GABRA3: variants seen among roughly 807,000 people sequenced by gnomAD.
GABRA3 encodes the protein gamma-aminobutyric acid type A receptor subunit alpha3, also known as gamma-aminobutyric acid receptor subunit alpha-3.
In GABRA3, 10 loss-of-function variants were observed where a neutral mutation model predicts 30.1. The observed-to-expected ratio is 0.33, with a 90% CI of 0.20 to 0.56. The LOEUF (loss-of-function observed/expected upper bound fraction) is 0.56. Ranked by LOEUF, GABRA3 falls within the 20% of genes least tolerant of loss-of-function variation. GABRA3 has a pLI of 0.89. For synonymous variants in GABRA3, 151 were observed against 146.8 expected, an observed-to-expected ratio of 1.03 and a Z score of -0.21; for missense variants, 233 against 392.0, an observed-to-expected ratio of 0.59 and a Z score of 3.42.
intron 3 of GABRA3, among the ~76,000 whole-genome samples, chrX:152,310,338 A>T (rs1939780357): frequency 8.9e-6 from 1 of 112,488 alleles, no homozygotes; most frequent in Admixed American, 9.4e-5. Flanking sequence ...CATTTTTCTC[A>T]TATAAACATG....
At chrX:152,394,184 C>T (rs981531424) in intron 1 of GABRA3, among the ~76,000 whole-genome samples, 4 of 111,663 alleles carry the variant, frequency 3.6e-5, no homozygotes, top group East Asian at 2.8e-4. Context: ...CATGAAGATA[C>T]GAATTGATGT....
At chrX:152,238,356 G>C (rs1258457883) in intron 5 of GABRA3, among the ~76,000 whole-genome samples, 6 of 100,019 alleles carry the variant, frequency 6.0e-5, no homozygotes, top group Non-Finnish European at 9.9e-5. Context: ...CTTGATCATG[G>C]TGGATAAGCT....
At chrX:152,358,329 C>T (rs765853172) in intron 2 of GABRA3, among the ~76,000 whole-genome samples, 3 of 111,339 alleles carry the variant, frequency 2.7e-5, no homozygotes, top group East Asian at 2.8e-4. Context: ...AATGGGATTG[C>T]GTTTTTGATT....
At chrX:152,369,244 A>G (rs147642915) in intron 1 of GABRA3, among the ~76,000 whole-genome samples, 2 of 111,992 alleles carry the variant, frequency 1.8e-5, no homozygotes, top group African/African-American at 3.2e-5. Context: ...CATAAAAATT[A>G]TAACTACATG....
At chrX:152,184,740 A>G (rs1459284812) in intron 9 of GABRA3, among the ~76,000 whole-genome samples, 1 of 111,424 alleles carries the variant, frequency 9.0e-6, no homozygotes, top group Non-Finnish European at 1.9e-5. Flanking sequence ...TGTCTGACTG[A>G]CATCCCTTGT....
At chrX:152,426,894 A>G (rs1162538207) in intron 1 of GABRA3, among the ~76,000 whole-genome samples, 1 of 112,418 alleles carries the variant, frequency 8.9e-6, no homozygotes, top group Admixed American at 9.4e-5. Context: ...ATGATATGTC[A>G]TTGATAGCTA....
chrX:152,223,516 C>G (rs1325415306), intron 6 of GABRA3, among the ~76,000 whole-genome samples: 1 of 110,289 alleles, frequency 9.1e-6, no homozygotes, highest in Non-Finnish European at 1.9e-5. Context: ...TACCTGGCCC[C>G]CACTTTGATC....
chrX:152,244,165 T>C (rs1191295610), intron 5 of GABRA3, among the ~76,000 whole-genome samples: 12 of 112,115 alleles, frequency 1.1e-4, no homozygotes, highest in Admixed American at 8.5e-4. Flanking sequence ...CTGAACTAGA[T>C]TGAATACCAC....
At chrX:152,220,171 GA>G (rs942826322) in intron 6 of GABRA3, among the ~76,000 whole-genome samples, 46 of 111,545 alleles carry the variant, frequency 4.1e-4, no homozygotes, top group African/African-American at 1.5e-3. Flanking sequence ...AAATACCTAG[GA>G]ATTCCAACTT....
At chrX:152,427,609 G>A (rs1400062570) in intron 1 of GABRA3, among the ~76,000 whole-genome samples, 5 of 111,782 alleles carry the variant, frequency 4.5e-5, no homozygotes, top group Admixed American at 1.9e-4. Context: ...TCGGCTCACC[G>A]GAAAATTACT....
chrX:152,264,490 G>C (rs1180168387), intron 4 of GABRA3, among the ~76,000 whole-genome samples: 1 of 110,601 alleles, frequency 9.0e-6, no homozygotes, highest in African/African-American at 3.3e-5. Flanking sequence ...ACCATACAAT[G>C]GATACTTAAA....
chrX:152,298,639 T>C (rs6526092), intron 3 of GABRA3, among the ~76,000 whole-genome samples: 73 of 109,121 alleles, frequency 6.7e-4, no homozygotes, highest in African/African-American at 2.4e-3. Flanking sequence ...GGACATTTGG[T>C]TTGGTTCCAA....
At chrX:152,276,971 G>A (rs914833461) in intron 4 of GABRA3, among the ~76,000 whole-genome samples, 10 of 111,788 alleles carry the variant, frequency 8.9e-5, no homozygotes, top group African/African-American at 2.9e-4. Context: ...AGGTAATTTT[G>A]CTTGTATCTT....
chrX:152,247,142 A>T (rs1051839698), intron 5 of GABRA3, among the ~76,000 whole-genome samples: 4 of 111,943 alleles, frequency 3.6e-5, no homozygotes, highest in African/African-American at 6.5e-5. Flanking sequence ...CAGTCATACA[A>T]TAAAAAATTT....
At chrX:152,279,364 G>A (rs972753878) in intron 4 of GABRA3, among the ~76,000 whole-genome samples, 1 of 111,803 alleles carries the variant, frequency 8.9e-6, no homozygotes, top group African/African-American at 3.3e-5. Context: ...TTATTAAATA[G>A]GGAATCCTTT....
intron 3 of GABRA3, among the ~76,000 whole-genome samples, chrX:152,304,431 C>T (rs59447598): frequency 0.11 from 12,144 of 111,501 alleles, 529 homozygotes; most frequent in African/African-American, 0.13. Flanking sequence ...TGTAGTTTGG[C>T]GTCTTATATT....
chrX:152,365,725 T>C (rs899717675), intron 1 of GABRA3, among the ~76,000 whole-genome samples: 3 of 111,415 alleles, frequency 2.7e-5, no homozygotes, highest in African/African-American at 9.8e-5. Context: ...TAAGGAGCTA[T>C]TCTGGTTGGT....
At chrX:152,347,269 T>C (rs995680038) in intron 2 of GABRA3, among the ~76,000 whole-genome samples, 1 of 111,806 alleles carries the variant, frequency 8.9e-6, no homozygotes, top group Non-Finnish European at 1.9e-5. Context: ...CTGTCATTTA[T>C]TTGTGGGAGC....
At chrX:152,190,103 G>T (rs1937303704) in intron 8 of GABRA3, among the ~76,000 whole-genome samples, 162 bp from the exon 9 acceptor site, 1 of 111,424 alleles carries the variant, frequency 9.0e-6, no homozygotes, top group Non-Finnish European at 1.9e-5. Flanking sequence ...TATCAAATCT[G>T]ATGGGTCCAC....
Sources: gnomAD v4.1 joint callset for allele counts (sites outside exome capture counted in the v4.1 genomes callset) on GRCh38, gnomAD v4.1.1 for gene constraint, MANE v1.5 for transcripts, NCBI Gene and HGNC (gene_info 2026-07-23, HGNC 2026-07-21) for gene names.